Variants in COL6A5 observed in about 807,000 individuals in gnomAD.
COL6A5 encodes collagen type VI alpha 5 chain.
A neutral mutation model predicts 65.6 loss-of-function variants in COL6A5; 48 were observed. The observed-to-expected ratio is 0.73, with a 90% confidence interval of 0.58 to 0.93. COL6A5 has a LOEUF of 0.93. COL6A5 is among the 40% of genes least tolerant of loss of function. COL6A5 has a pLI of 0.00. For missense variants in COL6A5, 914 were observed against 928.3 expected, an observed-to-expected ratio of 0.98 and a Z score of 0.20; for synonymous variants, 291 against 322.8, an observed-to-expected ratio of 0.90 and a Z score of 1.05.
At chr3:130,424,598 G>A (rs754148838) in intron 29 of COL6A5, among the ~76,000 whole-genome samples, 2 of 152,082 alleles carry the variant, frequency 1.3e-5, no homozygotes, top group Admixed American at 6.6e-5. Context: ...CTTGTTTTGT[G>A]CATTGTGAGT....
rs573823429 is a variant in COL6A5, at chr3:130,433,473, C to G, written c.487+1524C>G. On this transcript the variant is annotated intron_variant, in intron 1 of 7. Coordinates refer to ENST00000512836, the Ensembl canonical transcript of COL6A5. The stretch of plus-strand genomic sequence containing the variant: ...GCTATCTGGTTCTCATCACTCTGCT[C>G]TTGCCAGATAATAACCCCACACAGT... 5.3e-5 allele frequency among the ~76,000 whole-genome samples: 8 copies of G among 152,326 alleles called. No individual in the cohort carries two copies. The South Asian group carries it at 1.7e-3, about 32-fold the overall frequency.
chr3:130,379,692 A>G lies in COL6A5; in HGVS notation c.942A>G (p.Thr314=), dbSNP rs770138918. 1.2e-4 allele frequency: 179 copies of G among 1,551,362 alleles called. 1 individual carries two copies. Among genetic ancestry groups the G allele is most frequent in the Non-Finnish European group, 1.4e-4 (165 of 1,146,824 alleles). The change falls in exon 4 of 42, where the codon ACA becomes ACG. Residue 314 remains threonine (T), a synonymous_variant and NMD_transcript_variant. Coordinates refer to the COL6A5 transcript ENST00000312481. ...CTATCCAAGTTGGGAAATCCAATAC[A>G]GGGGCTGCCATTGATCAGATGAGAA...
rs563139891 is a variant in COL6A5, at chr3:130,447,582, A to G, written c.1332+4016A>G. ...TGGTATGAGATCTAATATGTGTAAT[A>G]TAGAAAGGGTGTCTATGTTGGCAAA... On this transcript the variant is annotated intron_variant, in intron 4 of 7. Transcript: ENST00000512836. Among the ~76,000 whole-genome samples, 89 of 152,314 alleles carry G rather than the reference A, an allele frequency of 5.8e-4. 2 individuals are homozygous for G. Among genetic ancestry groups the G allele is most frequent in the Admixed American group, 1.4e-3 (21 of 15,292 alleles).
At chr3:130,394,792 T>G (rs10934938) in intron 7 of COL6A5, 98 bp from the exon 8 acceptor site, 208,941 of 806,690 alleles carry the variant, frequency 0.26, 32,992 homozygotes, top group East Asian at 0.66. Flanking sequence ...CTAATGTAAA[T>G]CAATTGAAGT....
At chr3:130,426,608 AG>A (rs1409463391), upstream of COL6A5, among the ~76,000 whole-genome samples, 3 of 152,122 alleles carry the variant, frequency 2.0e-5, no homozygotes, top group Admixed American at 2.0e-4. Flanking sequence ...TTCGCTCATG[AG>A]GGGCAATGCA....
At chr3:130,390,264 A>G (rs1388962152) in intron 6 of COL6A5, among the ~76,000 whole-genome samples, 1 of 152,158 alleles carries the variant, frequency 6.6e-6, no homozygotes, top group Non-Finnish European at 1.5e-5. Context: ...CTCATGCATT[A>G]GATTGTCTCC....
intron 2 of COL6A5, 79 bp from the exon 3 acceptor site, chr3:130,376,158 A>G: frequency 7.2e-7 from 1 of 1,380,550 alleles, no homozygotes; most frequent in Non-Finnish European, 9.7e-7. Context: ...ACCAGCACAT[A>G]GTCTTAAATA....
At chr3:130,368,576 G>A (rs1935430256) in intron 1 of COL6A5, among the ~76,000 whole-genome samples, 2 of 151,728 alleles carry the variant, frequency 1.3e-5, no homozygotes, top group African/African-American at 2.4e-5. Flanking sequence ...ACTGGGTAAG[G>A]AGGAGAAGTG....
chr3:130,348,424 T>C (rs1299823924), intron 1 of COL6A5, among the ~76,000 whole-genome samples: 2 of 152,242 alleles, frequency 1.3e-5, no homozygotes, highest in African/African-American at 2.4e-5. Flanking sequence ...GATTCCAGCT[T>C]TATCCATGTC....
exon 5 of COL6A5, chr3:130,384,996 A>G (rs1165792559): frequency 6.4e-7 from 1 of 1,550,798 alleles, no homozygotes; most frequent in East Asian, 2.4e-5. Context: ...TATATCACTG[A>G]CTATTCTAAT....
exon 7 of COL6A5, chr3:130,470,893 C>G: frequency 6.2e-7 from 1 of 1,612,168 alleles, no homozygotes; most frequent in South Asian, 1.1e-5. Context: ...AATATCCCAC[C>G]GAAGATATGA....
At chr3:130,374,908 A>G (rs889717776) in intron 2 of COL6A5, among the ~76,000 whole-genome samples, 1 of 152,170 alleles carries the variant, frequency 6.6e-6, no homozygotes, top group Non-Finnish European at 1.5e-5. Flanking sequence ...GCATGCATGA[A>G]AAGTAAGTTT....
chr3:130,439,665 T>TAGA lies in COL6A5; in HGVS notation c.581+51_581+53dup, dbSNP rs1426426808. On this transcript the variant is annotated intron_variant, in intron 2 of 7. Transcript: ENST00000512836. ...TGTGCTGAAGAGCTTAAATGCCTTC[T>TAGA]AGATGAGTTATTGAATGTGGTTTTA... The TAGA allele has an allele frequency of 2.5e-6, 3 of 1,215,752 alleles. No individual in the cohort carries two copies. The African/African-American group carries it at 4.6e-5, about 18-fold the overall frequency. 75.3% of individuals were successfully genotyped at this position (1,215,752 alleles called of 1,614,324 possible).
At chr3:130,431,391 A>G (rs1424611313), upstream of COL6A5, 11 of 1,499,424 alleles carry the variant, frequency 7.3e-6, no homozygotes, top group Non-Finnish European at 9.9e-6. Context: ...AACCCACTTC[A>G]TTGGAGTAAA....
chr3:130,453,076 A>G (rs1208871180), intron 4 of COL6A5, among the ~76,000 whole-genome samples: 14 of 152,228 alleles, frequency 9.2e-5, no homozygotes, highest in Admixed American at 8.5e-4. Flanking sequence ...TATTGTTCAA[A>G]CACACATGCT....
intron 17 of COL6A5, among the ~76,000 whole-genome samples, chr3:130,408,834 T>C: frequency 6.6e-6 from 1 of 152,204 alleles, no homozygotes; most frequent in South Asian, 2.1e-4. Flanking sequence ...GTTCCCCCGA[T>C]AGAACATCCC....
chr3:130,362,252 T>TCTCTC (rs1935135834), intron 1 of COL6A5, among the ~76,000 whole-genome samples: 8 of 114,364 alleles, frequency 7.0e-5, no homozygotes, highest in African/African-American at 2.8e-4. Context: ...TAAGGTTTCT[T>TCTCTC]TCTCTCTCTC....
chr3:130,379,421 A>C, exon 4 of COL6A5: 1 of 1,550,164 alleles, frequency 6.5e-7, no homozygotes. Context: ...TGCATAGTTC[A>C]CTTCCCCATA....
intron 5 of COL6A5, among the ~76,000 whole-genome samples, chr3:130,387,936 G>A (rs895676832): frequency 3.3e-4 from 49 of 150,004 alleles, no homozygotes; most frequent in African/African-American, 8.8e-4. Context: ...GTATATATAT[G>A]TATATATATA....
Sources: allele counts gnomAD v4.1 joint callset (sites outside exome capture counted in the v4.1 genomes callset), GRCh38; gene constraint gnomAD v4.1.1; transcripts MANE v1.5; gene names NCBI Gene and HGNC (gene_info 2026-07-23, HGNC 2026-07-21).